Variants in METTL23 observed in about 807,000 individuals in gnomAD.
METTL23 encodes methyltransferase 23, arginine.
METTL23 carries 24 observed loss-of-function variants against 21.2 expected under a neutral mutation model. The observed-to-expected ratio is 1.13, with a 90% CI of 0.82 to 1.59. METTL23 has a LOEUF of 1.59. Ranked by LOEUF, METTL23 falls within the 40% of genes most tolerant of loss-of-function variation. The pLI is 0.00. For synonymous variants in METTL23, 97 were observed against 75.2 expected (o/e 1.29, Z -1.50); for missense variants, 276 against 221.4 (o/e 1.25, Z -1.57).
At position 76,726,943 on chromosome 17, in the gene METTL23, T is replaced by C; in HGVS notation, c.-257T>C. 1 of 456,954 alleles carries C rather than the reference T, an allele frequency of 2.2e-6. No individual in the cohort carries two copies. Among genetic ancestry groups the C allele is most frequent in the Non-Finnish European group, 4.4e-6 (1 of 227,114 alleles). 28.3% of individuals were successfully genotyped at this position (456,954 alleles called of 1,614,324 possible). On this transcript the variant is annotated 5_prime_UTR_variant, in exon 1 of 5. Transcript: ENST00000341249. ...GCAGCGCGGCAGGGTTATCACCAGA[T>C]CTGGGCTTTCCCCTTCTTGCCGTCA... is the stretch of plus-strand genomic sequence containing the variant.
intron 2 of METTL23, among the ~76,000 whole-genome samples, chr17:76,730,413 G>A (rs1360437288): frequency 6.6e-6 from 1 of 152,120 alleles, no homozygotes; most frequent in African/African-American, 2.4e-5. Context: ...TACCAGCCTG[G>A]TCAACATAGT....
upstream of METTL23, chr17:76,726,621 G>C: frequency 3.6e-6 from 4 of 1,113,092 alleles, no homozygotes; most frequent in Admixed American, 6.2e-5. Context: ...TCGCCTTCCA[G>C]AAAATTCACT....
rs1307838107 is a variant in METTL23, at chr17:76,733,390, G to A, written c.407+13G>A. ...ATCAAGTTAGGAGGCAAGTATGGATGACCCTTACTTTTTATATGTAACTTA... is the reference window on the plus strand; with the variant it reads ...ATCAAGTTAGGAGGCAAGTATGGATAACCCTTACTTTTTATATGTAACTTA... On this transcript the variant is annotated intron_variant, in intron 4 of 4. Coordinates refer to ENST00000341249, the MANE Select transcript of METTL23 (RefSeq NM_001080510.5). 2 of 1,611,436 alleles carry A rather than the reference G, an allele frequency of 1.2e-6. No individual in the cohort carries two copies. Among genetic ancestry groups the A allele is most frequent in the East Asian group, 2.2e-5 (1 of 44,858 alleles).
Position 76,732,184 on chromosome 17 carries a change from CCA to C in METTL23, c.85-793_85-792del, listed in dbSNP as rs772284748. 8.9e-4 allele frequency among the ~76,000 whole-genome samples: 128 copies of C among 143,996 alleles called. 1 individual carries two copies. The Middle Eastern group carries it at 0.011, about 12-fold the overall frequency. 94.5% of individuals were successfully genotyped at this position (143,996 alleles called of 152,430 possible). A position where few individuals can be genotyped will look rare whatever the true frequency, so the allele number is the denominator to read the frequency against. Reference sequence around the variant, plus strand: ...ACCAGCCTGGCCAACATGGTGAAACCCAGTCCCTACTAAAAAATACAAAATAC... The same window carrying C: ...ACCAGCCTGGCCAACATGGTGAAACCGTCCCTACTAAAAAATACAAAATAC... On this transcript the variant is annotated intron_variant, in intron 2 of 4. Coordinates refer to ENST00000341249, the MANE Select transcript of METTL23 (RefSeq NM_001080510.5).
At position 76,726,894 on chromosome 17, in the gene METTL23, C is replaced by T; in HGVS notation, c.-306C>T. 2.2e-6 allele frequency: 1 copy of T among 452,788 alleles called. No homozygotes were observed. The highest frequency in any genetic ancestry group is 1.6e-5 in the South Asian group (1 of 64,450). 28.0% of individuals were successfully genotyped at this position (452,788 alleles called of 1,614,324 possible). ...GTTCTGCGCGTGTGAGTCTCTTTCGCCTTGCTCCGGGCTTTCTTCGCTCGC... is the reference window on the plus strand; with the variant it reads ...GTTCTGCGCGTGTGAGTCTCTTTCGTCTTGCTCCGGGCTTTCTTCGCTCGC... On this transcript the variant is annotated 5_prime_UTR_variant, in exon 1 of 5. Coordinates refer to ENST00000341249, the MANE Select transcript of METTL23 (RefSeq NM_001080510.5).
At chr17:76,726,308 C>G (rs2076931988), upstream of METTL23, 1 of 1,529,752 alleles carries the variant, frequency 6.5e-7, no homozygotes, top group South Asian at 1.2e-5. Context: ...GCTGGAGGTG[C>G]CGATGCCCGG....
At chr17:76,726,288 G>A (rs1488180978), upstream of METTL23, 3 of 1,513,408 alleles carry the variant, frequency 2.0e-6, no homozygotes, top group East Asian at 2.7e-5. Flanking sequence ...CCAGAGAAAG[G>A]TGCGTAGCGG....
chr17:76,733,365 A>C lies in METTL23; in HGVS notation c.395A>C (p.Tyr132Ser). 1 of 1,613,942 alleles carries C rather than the reference A, an allele frequency of 6.2e-7. No individual in the cohort carries two copies. Among genetic ancestry groups the C allele is most frequent in the Non-Finnish European group, 8.5e-7 (1 of 1,179,848 alleles). The change falls in exon 4 of 5, where the codon TAT becomes TCT. Residue 132 changes from tyrosine to serine, a missense_variant. Coordinates refer to ENST00000341249, the MANE Select transcript of METTL23 (RefSeq NM_001080510.5). ...CCCAAGGTCCAATTGTGGTCTACTTATCAAGTTAGGAGGCAAGTATGGATG... is the reference window on the plus strand; with the variant it reads ...CCCAAGGTCCAATTGTGGTCTACTTCTCAAGTTAGGAGGCAAGTATGGATG... ...KNPKVQLWST[Y>S]QVRSADWSLE...
At chr17:76,726,412 C>T (rs929178479), upstream of METTL23, 1 of 1,605,368 alleles carries the variant, frequency 6.2e-7, no homozygotes, top group East Asian at 2.3e-5. Context: ...TCCAGCGAGT[C>T]CTTGAGCTCC....
At chr17:76,728,642 C>G (rs939718634) in intron 1 of METTL23, among the ~76,000 whole-genome samples, 3 of 151,962 alleles carry the variant, frequency 2.0e-5, no homozygotes, top group Admixed American at 1.3e-4. Flanking sequence ...AACTCCTGAC[C>G]TCAGGTGATG....
intron 2 of METTL23, 79 bp from the exon 3 acceptor site, chr17:76,732,894 GAATAT>G: frequency 8.7e-7 from 1 of 1,147,966 alleles, no homozygotes; most frequent in Non-Finnish European, 1.3e-6. Context: ...AAAAATGCAA[GAATAT>G]AATGAAAAAG....
rs746628807 is a variant in METTL23 at position 76,733,657 on chromosome 17, G to C, written c.544G>C (p.Val182Leu). ...AGGAAGACATACAGTTGAAATGCTG[G>C]TCATTTCCTTTGCAAAGGACAGTCT... ...LPGRHTVEML[V>L]ISFAKDSL The change falls in exon 5 of 5, where the codon GTC becomes CTC. Residue 182 changes from valine (V) to leucine (L), a missense_variant. Val to Leu is a conservative substitution (Grantham distance 32). Coordinates refer to ENST00000341249, the MANE Select transcript of METTL23 (RefSeq NM_001080510.5). 2 of 1,613,580 alleles carry C rather than the reference G, an allele frequency of 1.2e-6. No individual in the cohort carries two copies.
chr17:76,731,629 A>G (rs2077211850), intron 2 of METTL23, among the ~76,000 whole-genome samples: 1 of 152,232 alleles, frequency 6.6e-6, no homozygotes, highest in Non-Finnish European at 1.5e-5. Context: ...TTCTAACCTC[A>G]CTACCTGGCC....
At chr17:76,728,240 A>G (rs2077037461) in intron 1 of METTL23, among the ~76,000 whole-genome samples, 1 of 131,958 alleles carries the variant, frequency 7.6e-6, no homozygotes. Flanking sequence ...TGTCAAGAAG[A>G]AAAAAAAAAA....
At chr17:76,733,412 C>G in intron 4 of METTL23, 35 bp downstream of exon 4, 1 of 1,607,688 alleles carries the variant, frequency 6.2e-7, no homozygotes, top group Non-Finnish European at 8.5e-7. Flanking sequence ...TTATATGTAA[C>G]TTAAGCCTTA....
chr17:76,726,492 C>T (rs1391559233), upstream of METTL23: 6 of 1,585,082 alleles, frequency 3.8e-6, no homozygotes, highest in Non-Finnish European at 1.7e-6. Context: ...GGGTCGCCAG[C>T]TGGTTCCGCT....
chr17:76,732,709 C>A (rs2077269234), intron 2 of METTL23: 1 of 497,690 alleles, frequency 2.0e-6, no homozygotes. Context: ...CTTCTGTGTG[C>A]ATAGCAATTA....
At chr17:76,726,723 C>A (rs1044872684), upstream of METTL23, 2 of 532,792 alleles carry the variant, frequency 3.8e-6, no homozygotes, top group Non-Finnish European at 3.4e-6. Context: ...CTTTGGCTCC[C>A]CTGGGGTACT....
intron 1 of METTL23, among the ~76,000 whole-genome samples, chr17:76,728,412 A>ATTTGTTT (rs1463836132): frequency 6.8e-5 from 1 of 14,762 alleles, no homozygotes; most frequent in Admixed American, 1.1e-3. Context: ...GGCTTCACGG[A>ATTTGTTT]TTTTTTTTTT....
Sources: gnomAD v4.1 joint callset for allele counts (sites outside exome capture counted in the v4.1 genomes callset) on GRCh38, gnomAD v4.1.1 for gene constraint, MANE v1.5 for transcripts, NCBI Gene and HGNC (gene_info 2026-07-23, HGNC 2026-07-21) for gene names.